The following RAD54L2 variants were observed in gnomAD, a reference collection of about 807,000 sequenced individuals.
RAD54L2 encodes the protein helicase ARIP4.
RAD54L2 carries 27 observed loss-of-function variants against 138.4 expected under a neutral mutation model. That is an observed-to-expected ratio of 0.20 (90% CI 0.14 to 0.27). The LOEUF is 0.27. RAD54L2 is among the 10% of genes least tolerant of loss of function. The probability of loss-of-function intolerance (pLI) is 1.00; values close to 1 mark genes in which losing one functional copy is unlikely to be tolerated. For synonymous variants in RAD54L2, 644 were observed against 723.2 expected (o/e 0.89, Z 1.76); for missense variants, 1,396 against 1,890.2 (o/e 0.74, Z 4.85).
At chr3:51,613,033 G>A (rs1056762598) in intron 3 of RAD54L2, among the ~76,000 whole-genome samples, 2 of 151,984 alleles carry the variant, frequency 1.3e-5, no homozygotes, top group African/African-American at 2.4e-5. Flanking sequence ...TCTGCCTCCC[G>A]GGTTCATGCC....
rs568383202 is a variant in RAD54L2 at position 51,571,388 on chromosome 3, C to CTT, written c.-54-18960_-54-18959dup. ...TGGCTGTGTCTCTGTGGAATACCTG[C>CTT]TTTTTTTTTTTTTTTTTTTTAAAGA... On this transcript the variant is annotated intron_variant, in intron 2 of 22. Transcript: ENST00000684192. 4.4e-3 allele frequency among the ~76,000 whole-genome samples: 508 copies of CTT among 115,816 alleles called. 5 individuals carry two copies. Among genetic ancestry groups the CTT allele is most frequent in the African/African-American group, 0.015 (458 of 31,170 alleles). 76.0% of individuals were successfully genotyped at this position (115,816 alleles called of 152,430 possible).
chr3:51,625,386 C>A (rs1253152549), intron 3 of RAD54L2, among the ~76,000 whole-genome samples: 2 of 152,090 alleles, frequency 1.3e-5, no homozygotes, highest in Non-Finnish European at 2.9e-5. Flanking sequence ...TCATTGTATT[C>A]CAGCCTGGGC....
chr3:51,610,036 T>C (rs1316276498), intron 3 of RAD54L2, among the ~76,000 whole-genome samples: 1 of 151,802 alleles, frequency 6.6e-6, no homozygotes, highest in Admixed American at 6.6e-5. Flanking sequence ...CTCTGGAGGC[T>C]GAGGCAGGAG....
chr3:51,603,050 C>T (rs147770336), intron 3 of RAD54L2, among the ~76,000 whole-genome samples: 25 of 151,530 alleles, frequency 1.6e-4, no homozygotes, highest in Admixed American at 3.3e-4. Flanking sequence ...GCCTGTAATC[C>T]GACCACTTTG....
intron 2 of RAD54L2, among the ~76,000 whole-genome samples, chr3:51,583,966 C>T (rs1272359328): frequency 6.6e-6 from 1 of 151,522 alleles, no homozygotes; most frequent in Non-Finnish European, 1.5e-5. Context: ...CTTGGGGACT[C>T]CCAGGGGTTC....
chr3:51,634,331 C>T (rs1377787214), intron 9 of RAD54L2, among the ~76,000 whole-genome samples: 3 of 149,124 alleles, frequency 2.0e-5, no homozygotes, highest in East Asian at 2.0e-4. Context: ...AAATTCAACA[C>T]GAAACAATGG....
At position 51,638,281 on chromosome 3, in the gene RAD54L2, T is replaced by G; in HGVS notation, c.1820T>G (p.Leu607Arg). 6.2e-7 allele frequency: 1 copy of G among 1,614,016 alleles called. No homozygotes were observed. Among genetic ancestry groups the G allele is most frequent in the Non-Finnish European group, 8.5e-7 (1 of 1,179,886 alleles). ...RFRDCGSSGW[L>R]GLNPLKAFCV... The stretch of plus-strand genomic sequence containing the variant: ...CGGGACTGTGGTAGCAGCGGTTGGC[T>G]GGGGCTGAACCCCCTTAAGGCATTC... Residue 607 changes from leucine (L) to arginine (R), a missense_variant, in exon 12 of 23, where the codon CTG becomes CGG. Leu to Arg is a moderately radical substitution (Grantham distance 102). Around this residue, in one of 7 missense-constraint regions of RAD54L2, gnomAD observed 211 missense variants for 273.8 expected, o/e 0.77. Coordinates refer to ENST00000684192, the MANE Select transcript of RAD54L2 (RefSeq NM_015106.4). The surrounding 1 kb of genome is among the most constrained non-coding windows in gnomAD (Gnocchi z 4.3).
intron 19 of RAD54L2, among the ~76,000 whole-genome samples, chr3:51,652,142 AACAG>A (rs933658789): frequency 1.7e-4 from 26 of 152,216 alleles, no homozygotes; most frequent in East Asian, 5.8e-4. Flanking sequence ...ATACACCAAT[AACAG>A]ACAGAGAGCC....
intron 3 of RAD54L2, among the ~76,000 whole-genome samples, chr3:51,591,732 A>T (rs1559628317): frequency 1.3e-5 from 2 of 152,200 alleles, no homozygotes; most frequent in African/African-American, 2.4e-5. Context: ...TGTTCCTGAG[A>T]TGCTGTTAGA....
intron 3 of RAD54L2, among the ~76,000 whole-genome samples, chr3:51,601,843 G>A (rs995998460): frequency 1.3e-5 from 2 of 150,004 alleles, no homozygotes; most frequent in Admixed American, 1.3e-4. Context: ...TCCATTTCAT[G>A]TGTTTTTTTG....
intron 2 of RAD54L2, among the ~76,000 whole-genome samples, chr3:51,576,809 A>G (rs1465922155): frequency 2.0e-5 from 3 of 151,556 alleles, no homozygotes; most frequent in Admixed American, 1.3e-4. Context: ...TCCTGGATTC[A>G]CTGATTTTTT....
At chr3:51,627,063 A>G (rs942458984) in intron 3 of RAD54L2, among the ~76,000 whole-genome samples, 1 of 152,180 alleles carries the variant, frequency 6.6e-6, no homozygotes, top group Non-Finnish European at 1.5e-5. Flanking sequence ...ATATCCCTTG[A>G]AGCGTCTAGG....
intron 2 of RAD54L2, among the ~76,000 whole-genome samples, chr3:51,551,759 CT>C (rs1178998634): frequency 2.8e-3 from 386 of 139,114 alleles, no homozygotes; most frequent in African/African-American, 5.7e-3. Context: ...CTTTTTCTTT[CT>C]TTTTTTTTTT....
chr3:51,650,059 C>T (rs141256790), intron 19 of RAD54L2, among the ~76,000 whole-genome samples: 2,706 of 148,802 alleles, frequency 0.018, 90 homozygotes, highest in African/African-American at 0.063. Context: ...TGCAGAGACA[C>T]ACAGAAGCTC....
At chr3:51,593,684 C>G (rs564282182) in intron 3 of RAD54L2, among the ~76,000 whole-genome samples, 1 of 152,270 alleles carries the variant, frequency 6.6e-6, no homozygotes, top group East Asian at 1.9e-4. Context: ...CCACAGCTTA[C>G]TTTTATATTG....
Position 51,643,992 on chromosome 3 carries a change from G to C in RAD54L2, c.2450+18G>C. 6.4e-7 allele frequency: 1 copy of C among 1,569,782 alleles called. No individual in the cohort carries two copies. The highest frequency in any genetic ancestry group is 8.7e-7 in the Non-Finnish European group (1 of 1,152,806). ...TCTACAAGGTGAGTGGATCCCAAGA[G>C]GGGAGGTCAAAGGAATCTGTTCAGG... On this transcript the variant is annotated intron_variant, in intron 16 of 22. Transcript: ENST00000684192.
chr3:51,628,451 C>T (rs556992213), intron 4 of RAD54L2, among the ~76,000 whole-genome samples: 9 of 150,688 alleles, frequency 6.0e-5, no homozygotes, highest in South Asian at 4.2e-4. Flanking sequence ...AGTGCAGTGG[C>T]GTGATCTTGG....
Position 51,657,592 on chromosome 3 carries a change from C to G in RAD54L2, c.3239C>G (p.Pro1080Arg), listed in dbSNP as rs766587618. 12 of 1,571,658 alleles carry G rather than the reference C, an allele frequency of 7.6e-6. No individual in the cohort carries two copies. The highest frequency in any genetic ancestry group is 8.7e-7 in the Non-Finnish European group (1 of 1,153,522). Residue 1080 changes from proline (P) to arginine (R), a missense_variant, in exon 21 of 23, where the codon CCT becomes CGT. By Grantham distance (103) the Pro-to-Arg change is moderately radical (BLOSUM62 -2). This residue lies in a region of RAD54L2 where 634 missense variants were observed against 711.2 expected (regional missense o/e 0.89). Coordinates refer to ENST00000684192, the MANE Select transcript of RAD54L2 (RefSeq NM_015106.4). ...KVVTTTDIVI[P>R]GLNSSTDVQA... ...GTGTTTTTCCTAGATATTGTTATTC[C>G]TGGACTCAACAGCTCCACAGATGTA...
Position 51,662,910 on chromosome 3 carries a change from C to T in RAD54L2, c.3894C>T (p.Pro1298=), listed in dbSNP as rs764376811. 1.4e-5 allele frequency: 22 copies of T among 1,613,670 alleles called. No homozygotes were observed. Among genetic ancestry groups the T allele is most frequent in the African/African-American group, 2.7e-5 (2 of 74,916 alleles). The part of the protein sequence containing the change: ...YPVSGGFAMP[P]VSLNHNLTTP... Reference sequence around the variant, plus strand: ...TCTCTGGCGGGTTTGCCATGCCACCCGTCTCCTTAAACCATAACCTCACCA... The same window carrying T: ...TCTCTGGCGGGTTTGCCATGCCACCTGTCTCCTTAAACCATAACCTCACCA... Residue 1298 remains proline (P), a synonymous_variant, in exon 23 of 23, where the codon CCC becomes CCT. Transcript: ENST00000684192. This position sits in a 1 kb window ranked among gnomAD's most constrained non-coding sequence, Gnocchi z 4.6.
Sources: allele counts gnomAD v4.1 joint callset (sites outside exome capture counted in the v4.1 genomes callset), GRCh38; gene constraint gnomAD v4.1.1; regional missense constraint gnomAD v4.1.1; non-coding constraint Gnocchi (gnomAD v3.1); transcripts MANE v1.5; gene names NCBI Gene and HGNC (gene_info 2026-07-23, HGNC 2026-07-21).